The following STIM1 variants were observed in gnomAD, a reference collection of about 807,000 sequenced individuals.
The protein encoded by STIM1 is stromal interaction molecule 1.
Under a neutral mutation model 74.7 loss-of-function variants are expected in STIM1, and 25 were observed. The ratio of observed to expected loss-of-function variants is 0.33; its 90% CI spans 0.24 to 0.47. The LOEUF (loss-of-function observed/expected upper bound fraction) is 0.47. STIM1 is among the 20% of genes least tolerant of loss of function. The pLI is 1.00. For synonymous variants in STIM1, 328 were observed against 348.8 expected (o/e 0.94, Z 0.66); for missense variants, 728 against 920.8 (o/e 0.79, Z 2.71).
intron 1 of STIM1, among the ~76,000 whole-genome samples, chr11:3,857,800 C>G (rs940290268): frequency 4.6e-5 from 7 of 152,112 alleles, no homozygotes; most frequent in Non-Finnish European, 8.8e-5. Context: ...GTGGTAGACC[C>G]TTTATTGGGC....
At chr11:3,979,413 C>T (rs182616646) in intron 2 of STIM1, among the ~76,000 whole-genome samples, 215 of 152,244 alleles carry the variant, frequency 1.4e-3, no homozygotes, top group Middle Eastern at 6.8e-3. Context: ...CTCTTTAAAT[C>T]CGATTTTAGC....
At chr11:3,950,354 G>A (rs1486891916) in intron 1 of STIM1, among the ~76,000 whole-genome samples, 1 of 152,064 alleles carries the variant, frequency 6.6e-6, no homozygotes, top group African/African-American at 2.4e-5. Context: ...GGCTGGTCTT[G>A]AACTCCTGAC....
intron 6 of STIM1, among the ~76,000 whole-genome samples, chr11:4,074,249 G>A (rs1222544997): frequency 6.6e-6 from 1 of 152,202 alleles, no homozygotes; most frequent in Non-Finnish European, 1.5e-5. Flanking sequence ...TTTCGAGGAG[G>A]GATTCAGATG....
chr11:3,973,047 A>T, intron 2 of STIM1: 1 of 454,256 alleles, frequency 2.2e-6, no homozygotes, highest in Non-Finnish European at 4.3e-6. Context: ...GAGAGCTGAC[A>T]CTCCTGCTGT....
At chr11:4,033,657 A>C (rs984040145) in intron 3 of STIM1, among the ~76,000 whole-genome samples, 1 of 150,936 alleles carries the variant, frequency 6.6e-6, no homozygotes, top group Non-Finnish European at 1.5e-5. Context: ...GTGCAGTGGC[A>C]TGATCTTGGC....
rs113377267 is a variant in STIM1 at position 4,015,510 on chromosome 11, C to T, written c.271-8363C>T. 8.0e-3 allele frequency among the ~76,000 whole-genome samples: 1,219 copies of T among 152,276 alleles called. 14 individuals carry two copies. The highest frequency in any genetic ancestry group is 0.028 in the African/African-American group (1,144 of 41,548). On this transcript the variant is annotated intron_variant, in intron 2 of 12. Transcript: ENST00000526596. Reference sequence around the variant, plus strand: ...TTCATTTCCACCTTGGTGAATCTGACAATTATGTGTCTTGGGGTTGCTCTT... The same window carrying T: ...TTCATTTCCACCTTGGTGAATCTGATAATTATGTGTCTTGGGGTTGCTCTT...
chr11:4,074,823 A>C, intron 7 of STIM1, 144 bp downstream of exon 7: 2 of 947,676 alleles, frequency 2.1e-6, no homozygotes. Context: ...CTTACCAACA[A>C]TAAGAGTTCA....
intron 2 of STIM1, among the ~76,000 whole-genome samples, chr11:4,007,139 A>G (rs1194547821): frequency 6.6e-6 from 1 of 152,152 alleles, no homozygotes; most frequent in Non-Finnish European, 1.5e-5. Context: ...TTCTGGGCGC[A>G]TGGAACTAAA....
At chr11:3,864,010 G>A in intron 1 of STIM1, among the ~76,000 whole-genome samples, 1 of 151,880 alleles carries the variant, frequency 6.6e-6, no homozygotes, top group Non-Finnish European at 1.5e-5. Context: ...GAGAATAAAG[G>A]AGGGCTGCTG....
At chr11:3,939,837 C>T (rs2092983178) in intron 1 of STIM1, among the ~76,000 whole-genome samples, 1 of 152,154 alleles carries the variant, frequency 6.6e-6, no homozygotes, top group Non-Finnish European at 1.5e-5. Context: ...TTTCTCTGAG[C>T]ACCTTTTGGG....
intron 1 of STIM1, among the ~76,000 whole-genome samples, chr11:3,915,566 T>A (rs2092631569): frequency 6.6e-6 from 1 of 151,816 alleles, no homozygotes; most frequent in South Asian, 2.1e-4. Flanking sequence ...CCTGGCTAAT[T>A]TTTTGTATTT....
chr11:3,865,039 G>A (rs1228135140), intron 1 of STIM1, among the ~76,000 whole-genome samples: 3 of 152,094 alleles, frequency 2.0e-5, no homozygotes, highest in African/African-American at 7.2e-5. Context: ...CTATTCTGGA[G>A]CCCATTGTAC....
chr11:4,042,947 T>A (rs1231241672), intron 3 of STIM1, among the ~76,000 whole-genome samples: 1 of 152,124 alleles, frequency 6.6e-6, no homozygotes, highest in Admixed American at 6.6e-5. Context: ...GGAGTAGGGA[T>A]CTCTCTCTTG....
intron 3 of STIM1, among the ~76,000 whole-genome samples, chr11:4,029,390 T>A (rs900037180): frequency 6.6e-6 from 1 of 151,940 alleles, no homozygotes; most frequent in African/African-American, 2.4e-5. Flanking sequence ...AAAAATTGCT[T>A]CCTTACTGGG....
At chr11:4,022,581 T>A (rs2136013428) in intron 2 of STIM1, among the ~76,000 whole-genome samples, 2 of 152,328 alleles carry the variant, frequency 1.3e-5, no homozygotes, top group East Asian at 3.9e-4. Flanking sequence ...AACTTTTCCC[T>A]GTTCAATATA....
intron 4 of STIM1, among the ~76,000 whole-genome samples, chr11:4,057,356 A>T (rs1295157020): frequency 6.6e-6 from 1 of 152,200 alleles, no homozygotes; most frequent in Non-Finnish European, 1.5e-5. Context: ...CAGGCTGGGC[A>T]CAGGTGTAGG....
At chr11:3,884,418 G>T (rs943408194) in intron 1 of STIM1, among the ~76,000 whole-genome samples, 1 of 152,168 alleles carries the variant, frequency 6.6e-6, no homozygotes, top group Admixed American at 6.5e-5. Flanking sequence ...GATGTTTCCA[G>T]CACTTTGAAG....
At chr11:4,000,305 C>A (rs1291531409) in intron 2 of STIM1, among the ~76,000 whole-genome samples, 1 of 149,810 alleles carries the variant, frequency 6.7e-6, no homozygotes, top group Non-Finnish European at 1.5e-5. Context: ...CTGACCCCGA[C>A]CCCCGAGCAG....
At chr11:3,973,648 C>T (rs116023435) in intron 2 of STIM1, among the ~76,000 whole-genome samples, 99 of 152,204 alleles carry the variant, frequency 6.5e-4, no homozygotes, top group African/African-American at 2.2e-3. Context: ...TCCCCTGCCT[C>T]GGCCTCCCAA....
Sources: gnomAD v4.1 joint callset for allele counts (sites outside exome capture counted in the v4.1 genomes callset) on GRCh38, gnomAD v4.1.1 for gene constraint, MANE v1.5 for transcripts, NCBI Gene and HGNC (gene_info 2026-07-23, HGNC 2026-07-21) for gene names.